Variants in DSCAML1 observed in about 807,000 individuals in gnomAD.
DSCAML1 encodes cell adhesion molecule DSCAML1.
DSCAML1 carries 38 observed loss-of-function variants against 200.5 expected under a neutral mutation model. That is an observed-to-expected ratio of 0.19 (90% CI 0.15 to 0.25). The LOEUF (loss-of-function observed/expected upper bound fraction) is 0.25, where lower values mean the gene tolerates loss of function less well. Ranked by LOEUF, DSCAML1 falls within the 10% of genes least tolerant of loss-of-function variation. The pLI is 1.00. For missense variants in DSCAML1, 2,223 were observed against 2,858.8 expected (o/e 0.78, Z 5.07); for synonymous variants, 1,215 against 1,165.0 (o/e 1.04, Z -0.87).
chr11:117,750,659 A>T (rs1015863625), intron 3 of DSCAML1, among the ~76,000 whole-genome samples: 1 of 152,212 alleles, frequency 6.6e-6, no homozygotes. Flanking sequence ...CCTAATCCCA[A>T]AATGAAGGTT....
chr11:117,781,760 G>A (rs965949051), intron 1 of DSCAML1, among the ~76,000 whole-genome samples: 3 of 152,224 alleles, frequency 2.0e-5, no homozygotes, highest in Admixed American at 6.5e-5. Flanking sequence ...TGCAAAGACC[G>A]CTTCCATCTC....
At chr11:117,623,210 T>A (rs2051973083) in intron 3 of DSCAML1, among the ~76,000 whole-genome samples, 1 of 109,756 alleles carries the variant, frequency 9.1e-6, no homozygotes, top group East Asian at 2.4e-4. Flanking sequence ...TTTTTTCTTT[T>A]CTTTTCTTTT....
chr11:117,443,207 A>C (rs1002577236), intron 21 of DSCAML1, among the ~76,000 whole-genome samples: 2 of 152,196 alleles, frequency 1.3e-5, no homozygotes, highest in African/African-American at 4.8e-5. Context: ...CCTACGCCCC[A>C]GGGAGAGGCA....
intron 3 of DSCAML1, among the ~76,000 whole-genome samples, chr11:117,707,263 A>G (rs2053773432): frequency 6.6e-6 from 1 of 152,230 alleles, no homozygotes; most frequent in Non-Finnish European, 1.5e-5. Flanking sequence ...ACTTCAAGTG[A>G]TTAAATAAGT....
intron 3 of DSCAML1, among the ~76,000 whole-genome samples, chr11:117,614,663 C>T (rs900350006): frequency 2.6e-5 from 4 of 152,188 alleles, no homozygotes; most frequent in African/African-American, 9.7e-5. Flanking sequence ...TGTGGTTAAA[C>T]GACTTGCCCA....
At chr11:117,591,382 A>G (rs935551522) in intron 3 of DSCAML1, among the ~76,000 whole-genome samples, 1 of 152,184 alleles carries the variant, frequency 6.6e-6, no homozygotes, top group Non-Finnish European at 1.5e-5. Flanking sequence ...GTGATGTATA[A>G]TTGATGAAAG....
chr11:117,451,608 G>A (rs984197735), intron 19 of DSCAML1, among the ~76,000 whole-genome samples: 3 of 152,260 alleles, frequency 2.0e-5, no homozygotes, highest in African/African-American at 4.8e-5. Context: ...CGGATCCCCC[G>A]AGGTCAGGAG....
rs2049338585 is a variant in DSCAML1, at chr11:117,498,664, A to G, written c.2359+5181T>C. 6.6e-6 allele frequency among the ~76,000 whole-genome samples: 1 copy of G among 152,120 alleles called. No homozygotes were observed. Among genetic ancestry groups the G allele is most frequent in the South Asian group, 2.1e-4 (1 of 4,824 alleles). On this transcript the variant is annotated intron_variant, in intron 11 of 32. Coordinates refer to ENST00000651296, the MANE Select transcript of DSCAML1 (RefSeq NM_020693.4). This position sits in a 1 kb window ranked among gnomAD's most constrained non-coding sequence, Gnocchi z 4.0. ...CTGACCTCAGTCCCAGTGGCCAATC[A>G]TGGTGGGTGACCTGGTCCACGGAGG...
intron 3 of DSCAML1, among the ~76,000 whole-genome samples, chr11:117,737,714 C>T (rs1201153317): frequency 6.6e-6 from 1 of 152,230 alleles, no homozygotes; most frequent in East Asian, 1.9e-4. Context: ...AAAGGGTTCA[C>T]TTGCTGGGCC....
intron 3 of DSCAML1, among the ~76,000 whole-genome samples, chr11:117,612,663 G>A (rs948772069): frequency 1.3e-5 from 2 of 152,208 alleles, no homozygotes; most frequent in African/African-American, 2.4e-5. Context: ...AGTGAGCCCT[G>A]TCCCCTTCCT....
At chr11:117,564,272 G>A (rs1243544236) in intron 3 of DSCAML1, among the ~76,000 whole-genome samples, 1 of 152,102 alleles carries the variant, frequency 6.6e-6, no homozygotes, top group Non-Finnish European at 1.5e-5. Context: ...AGTAGTATCT[G>A]GGCCAACTCA....
At chr11:117,791,638 T>C (rs2055469357) in intron 1 of DSCAML1, among the ~76,000 whole-genome samples, 2 of 152,196 alleles carry the variant, frequency 1.3e-5, no homozygotes. Context: ...GCCTCAGCCA[T>C]GTGGAGTCCT....
intron 3 of DSCAML1, among the ~76,000 whole-genome samples, chr11:117,607,534 G>A (rs1441517353): frequency 6.6e-6 from 1 of 152,236 alleles, no homozygotes; most frequent in African/African-American, 2.4e-5. Context: ...CTCTGGTGAA[G>A]GGACTAGCTA....
intron 3 of DSCAML1, among the ~76,000 whole-genome samples, chr11:117,695,447 C>T (rs755525716): frequency 9.9e-5 from 15 of 151,298 alleles, no homozygotes; most frequent in African/African-American, 1.9e-4. Context: ...ACCAGTGTTC[C>T]GGGGGTGGTT....
intron 3 of DSCAML1, among the ~76,000 whole-genome samples, chr11:117,758,265 A>G (rs933659365): frequency 2.0e-5 from 3 of 149,810 alleles, no homozygotes; most frequent in Non-Finnish European, 3.0e-5. Context: ...ACGCCACTGC[A>G]CTCCAGCCTG....
In DSCAML1 at chr11:117,428,170, G is replaced by T. The variant is rs1171936102; in HGVS notation, c.*158C>A. On this transcript the variant is annotated 3_prime_UTR_variant, in exon 33 of 33. Coordinates refer to ENST00000651296, the MANE Select transcript of DSCAML1 (RefSeq NM_020693.4). ...AGAAAATAGTTTCATTTGTACAAAA[G>T]AGTTCTATGTACAGGCGTTCATGAT... 3 of 574,824 alleles carry T rather than the reference G, an allele frequency of 5.2e-6. No individual in the cohort carries two copies. The highest frequency in any genetic ancestry group is 6.4e-5 in the East Asian group (2 of 31,460). The allele number at this position is 574,824 out of a possible 1,614,324, so 35.6% of individuals were successfully genotyped here.
chr11:117,499,465 G>A (rs2049355585), intron 11 of DSCAML1, among the ~76,000 whole-genome samples: 1 of 152,198 alleles, frequency 6.6e-6, no homozygotes, highest in Non-Finnish European at 1.5e-5. Flanking sequence ...ACTCACGGAT[G>A]CAGAGCCACT....
At chr11:117,525,639 T>C (rs1175031050) in intron 4 of DSCAML1, among the ~76,000 whole-genome samples, 1 of 152,004 alleles carries the variant, frequency 6.6e-6, no homozygotes, top group Non-Finnish European at 1.5e-5. Context: ...TTTGTACTTT[T>C]AGTAGAGACA....
At chr11:117,553,147 G>A (rs1249843868) in intron 3 of DSCAML1, among the ~76,000 whole-genome samples, 1 of 152,152 alleles carries the variant, frequency 6.6e-6, no homozygotes, top group Non-Finnish European at 1.5e-5. Context: ...ATGGATCGAA[G>A]GCCTGAGTGC....
Sources: gnomAD v4.1 joint callset for allele counts (sites outside exome capture counted in the v4.1 genomes callset) on GRCh38, gnomAD v4.1.1 for gene constraint, Gnocchi (gnomAD v3.1) non-coding constraint, MANE v1.5 for transcripts, NCBI Gene and HGNC (gene_info 2026-07-23, HGNC 2026-07-21) for gene names.